Variants in USP40 observed in about 807,000 individuals in gnomAD.
USP40 encodes ubiquitin specific peptidase 40.
USP40 carries 143 observed loss-of-function variants against 166.2 expected under a neutral mutation model. The observed-to-expected ratio is 0.86, with a 90% CI of 0.75 to 0.99. USP40 has a LOEUF of 0.99. Ranked by LOEUF, USP40 falls within the 50% of genes least tolerant of loss-of-function variation. The pLI, the probability that USP40 is intolerant of heterozygous loss-of-function variation, is 0.00. For missense variants in USP40, 1,444 were observed against 1,479.7 expected, an observed-to-expected ratio of 0.98 and a Z score of 0.40; for synonymous variants, 498 against 524.0, an observed-to-expected ratio of 0.95 and a Z score of 0.68.
Position 233,520,973 on chromosome 2 carries a change from T to A in USP40, c.2325+18A>T. ...AACTGAAAATCTATCAGCCAACCTTTAATTATATTCTACTCACTGTGTTAA... is the reference window on the plus strand; with the variant it reads ...AACTGAAAATCTATCAGCCAACCTTAAATTATATTCTACTCACTGTGTTAA... On this transcript the variant is annotated intron_variant, in intron 17 of 31. Coordinates refer to ENST00000678225, the MANE Select transcript of USP40 (RefSeq NM_001365479.2). The A allele has an allele frequency of 6.3e-7, 1 of 1,596,274 alleles. No homozygotes were observed. Among genetic ancestry groups the A allele is most frequent in the East Asian group, 2.2e-5 (1 of 44,662 alleles).
At chr2:233,485,382 T>A (rs2064878905) in intron 30 of USP40, 149 bp downstream of exon 30, 1 of 699,388 alleles carries the variant, frequency 1.4e-6, no homozygotes, top group Non-Finnish European at 2.4e-6. Flanking sequence ...AAGTCAGTTG[T>A]CCAGTTTTCC....
At chr2:233,514,699 G>T (rs192386165) in intron 18 of USP40, among the ~76,000 whole-genome samples, 9 of 152,308 alleles carry the variant, frequency 5.9e-5, no homozygotes, top group African/African-American at 2.2e-4. Context: ...GAAGAAGGGA[G>T]ACAAGTTTCA....
intron 30 of USP40, 147 bp downstream of exon 30, chr2:233,485,384 C>T: frequency 4.3e-6 from 3 of 705,436 alleles, no homozygotes; most frequent in Non-Finnish European, 7.0e-6. Context: ...GTCAGTTGTC[C>T]AGTTTTCCCT....
rs1559251230 is a variant in USP40, at chr2:233,523,333, CT to C, written c.2037del (p.Ala680ProfsTer2). ...ATGACACCTGCTGGGATTGCTAAGG[CT>C]GTGAGGACAGTGCCCACTTCTGCAT... ...PANAEVGTVLTALAIPAGVIF... is the reference protein window; with the variant it reads ...PANAEVGTVLXALAIPAGVIF... On this transcript the variant is annotated frameshift_variant, in exon 16 of 32. Transcript: ENST00000678225. LOFTEE classifies it high-confidence loss of function. 6.2e-7 allele frequency: 1 copy of C among 1,614,056 alleles called. No individual in the cohort carries two copies. The highest frequency in any genetic ancestry group is 1.1e-5 in the South Asian group (1 of 91,088).
At chr2:233,542,594 C>G in intron 8 of USP40, 1 of 372,392 alleles carries the variant, frequency 2.7e-6, no homozygotes, top group South Asian at 4.2e-5. Context: ...GGGAGGACTG[C>G]TTGAGCCCAG....
At chr2:233,540,033 G>C (rs938787409) in intron 10 of USP40, among the ~76,000 whole-genome samples, 2 of 151,180 alleles carry the variant, frequency 1.3e-5, no homozygotes, top group Non-Finnish European at 2.9e-5. Context: ...GCTGAGGCAG[G>C]AGAATCACTG....
intron 20 of USP40, among the ~76,000 whole-genome samples, chr2:233,510,917 G>A (rs185420125): frequency 6.6e-6 from 1 of 152,250 alleles, no homozygotes; most frequent in Non-Finnish European, 1.5e-5. Flanking sequence ...TCATAGCCCT[G>A]CTTTTCCTTT....
intron 23 of USP40, 118 bp downstream of exon 23, chr2:233,498,430 G>A (rs965611496): frequency 3.4e-6 from 3 of 882,788 alleles, no homozygotes; most frequent in Non-Finnish European, 5.1e-6. Context: ...CCCATTCATA[G>A]ATATTTGTAT....
intron 1 of USP40, among the ~76,000 whole-genome samples, chr2:233,566,409 C>CACA (rs1343752531): frequency 1.3e-5 from 2 of 152,156 alleles, no homozygotes; most frequent in African/African-American, 2.4e-5. Flanking sequence ...ACTAAAAAAA[C>CACA]ACAACTCGAG....
At chr2:233,532,978 G>T (rs577495354) in intron 11 of USP40, among the ~76,000 whole-genome samples, 1 of 151,164 alleles carries the variant, frequency 6.6e-6, no homozygotes, top group South Asian at 2.1e-4. Context: ...TGAGAAACAG[G>T]AAAATAAAGG....
rs190327297 is a variant in USP40 at position 233,563,312 on chromosome 2, T to C, written c.200-509A>G. Among the ~76,000 whole-genome samples the C allele has an allele frequency of 5.5e-3, 843 of 152,264 alleles. 20 individuals carry two copies. Among genetic ancestry groups the C allele is most frequent in the Non-Finnish European group, 2.3e-3 (156 of 68,010 alleles). On this transcript the variant is annotated intron_variant, in intron 2 of 31. Transcript: ENST00000678225. ...CTGGAAAAAGAAGTTGGCAACCCCA[T>C]GCGAGTCTCCAGAATTTCTTTATCA...
intron 18 of USP40, among the ~76,000 whole-genome samples, chr2:233,518,309 G>A (rs1234442906): frequency 1.6e-5 from 2 of 128,796 alleles, no homozygotes; most frequent in East Asian, 5.2e-4. Flanking sequence ...TCTCATGCCT[G>A]TAATCCCAGC....
chr2:233,529,444 G>T lies in USP40; in HGVS notation c.1540C>A (p.Leu514Met). 1 of 1,572,842 alleles carries T rather than the reference G, an allele frequency of 6.4e-7. No individual in the cohort carries two copies. The highest frequency in any genetic ancestry group is 8.6e-7 in the Non-Finnish European group (1 of 1,156,936). ...LNEMDAANIE[L>M]QTKRAECDSA... ...ATTTAAAATTACCTTTTGGTTTGCA[G>T]TTCAATGTTAGCTGCATCCATTTCA... Residue 514 changes from leucine (L) to methionine (M), a missense_variant, in exon 12 of 32, where the codon CTG becomes ATG. Coordinates refer to ENST00000678225, the MANE Select transcript of USP40 (RefSeq NM_001365479.2).
rs1203339243 is a variant in USP40 at position 233,482,582 on chromosome 2, G to GTTTTTTTT, written c.3505-1293_3505-1286dup. Among the ~76,000 whole-genome samples, 62 of 136,996 alleles carry GTTTTTTTT rather than the reference G, an allele frequency of 4.5e-4. 1 individual carries two copies. The highest frequency in any genetic ancestry group is 1.7e-3 in the African/African-American group (59 of 35,360). The allele number at this position is 136,996 out of a possible 152,430, so 89.9% of individuals were successfully genotyped here. On this transcript the variant is annotated intron_variant, in intron 30 of 31. Coordinates refer to ENST00000678225, the MANE Select transcript of USP40 (RefSeq NM_001365479.2). ...TGTACCAACTTGTGTTCCCACTGGA[G>GTTTTTTTT]TTTTTTTTTTTTGTTTTTTTTTTTT...
chr2:233,547,839 CAT>C (rs1279306215), intron 8 of USP40, among the ~76,000 whole-genome samples: 6 of 152,184 alleles, frequency 3.9e-5, no homozygotes, highest in African/African-American at 7.2e-5. Context: ...TGTGCACACA[CAT>C]GTGTATCTGT....
chr2:233,490,141 G>T, intron 26 of USP40, among the ~76,000 whole-genome samples: 1 of 148,036 alleles, frequency 6.8e-6, no homozygotes, highest in African/African-American at 2.5e-5. Context: ...GAATAAGGCT[G>T]TCTGCTTTTT....
chr2:233,537,779 A>C (rs1195317767), intron 10 of USP40, among the ~76,000 whole-genome samples: 1 of 152,198 alleles, frequency 6.6e-6, no homozygotes, highest in African/African-American at 2.4e-5. Flanking sequence ...AGCATTTTTC[A>C]CCTGCAATTC....
intron 4 of USP40, among the ~76,000 whole-genome samples, chr2:233,558,010 A>G (rs917182112): frequency 4.4e-4 from 67 of 151,302 alleles, no homozygotes; most frequent in Non-Finnish European, 8.4e-4. Context: ...TCAAAAAAAA[A>G]AAAAAAAAAA....
At chr2:233,504,387 T>C (rs1325497231) in intron 21 of USP40, among the ~76,000 whole-genome samples, 2 of 151,914 alleles carry the variant, frequency 1.3e-5, no homozygotes, top group African/African-American at 4.8e-5. Context: ...ATATGTTGCC[T>C]AAAAAAGACT....
Sources: allele counts gnomAD v4.1 joint callset (sites outside exome capture counted in the v4.1 genomes callset), GRCh38; gene constraint gnomAD v4.1.1; transcripts MANE v1.5; gene names NCBI Gene and HGNC (gene_info 2026-07-23, HGNC 2026-07-21).